PDE4D: variants seen among roughly 807,000 people sequenced by gnomAD.
PDE4D encodes phosphodiesterase 4D.
A neutral mutation model predicts 87.4 loss-of-function variants in PDE4D; 24 were observed. The ratio of observed to expected loss-of-function variants is 0.27; its 90% CI spans 0.20 to 0.39. PDE4D has a LOEUF of 0.39. Among genes scored for constraint, PDE4D ranks in the 10% least tolerant of loss-of-function variants. The pLI, the probability that PDE4D is intolerant of heterozygous loss-of-function variation, is 1.00. For synonymous variants in PDE4D, 384 were observed against 383.2 expected, an observed-to-expected ratio of 1.00 and a Z score of -0.02; for missense variants, 714 against 1,041.0, an observed-to-expected ratio of 0.69 and a Z score of 4.32.
rs7736448 is a variant in PDE4D at position 59,585,446 on chromosome 5, A to G, written c.455+307722T>C. Reference sequence around the variant, plus strand: ...GAAAGATATACTTTCAAAATCAGACAAACTGCATTTCCAAAACAACCCATG... The same window carrying G: ...GAAAGATATACTTTCAAAATCAGACGAACTGCATTTCCAAAACAACCCATG... On this transcript the variant is annotated intron_variant, in intron 1 of 14. Transcript: ENST00000340635. Among the ~76,000 whole-genome samples the G allele has an allele frequency of 3.1e-3, 467 of 152,290 alleles. 1 individual carries two copies. Among genetic ancestry groups the G allele is most frequent in the African/African-American group, 0.011 (446 of 41,570 alleles).
intron 1 of PDE4D, among the ~76,000 whole-genome samples, chr5:59,410,952 T>A (rs6877826): frequency 0.068 from 10,295 of 152,196 alleles, 947 homozygotes; most frequent in African/African-American, 0.21. Context: ...TTGATAGACT[T>A]TCATTTACTC....
chr5:59,812,318 T>C (rs774824143), intron 1 of PDE4D, among the ~76,000 whole-genome samples: 4 of 152,178 alleles, frequency 2.6e-5, no homozygotes, highest in Non-Finnish European at 5.9e-5. Context: ...TGCAGGATGG[T>C]TGTAGCCCTG....
intron 1 of PDE4D, among the ~76,000 whole-genome samples, chr5:59,252,976 C>T (rs947462695): frequency 9.2e-5 from 14 of 152,148 alleles, no homozygotes; most frequent in East Asian, 3.9e-4. Flanking sequence ...CACACACAGT[C>T]GTAGCCCAGC....
At chr5:59,586,236 A>G in intron 1 of PDE4D, 1 of 929,568 alleles carries the variant, frequency 1.1e-6, no homozygotes, top group Non-Finnish European at 1.8e-6. Flanking sequence ...CTTGATACCA[A>G]TACTCTAGTT....
intron 1 of PDE4D, among the ~76,000 whole-genome samples, chr5:59,315,549 T>C (rs1278258864): frequency 6.6e-6 from 1 of 152,094 alleles, no homozygotes; most frequent in Non-Finnish European, 1.5e-5. Context: ...GACAGTCAAA[T>C]GACTGTCATT....
chr5:60,262,047 C>T (rs1331414990), intron 1 of PDE4D, among the ~76,000 whole-genome samples: 1 of 151,894 alleles, frequency 6.6e-6, no homozygotes, highest in African/African-American at 2.4e-5. Flanking sequence ...TCTACCTCAG[C>T]GTAAGAAAGA....
intron 1 of PDE4D, among the ~76,000 whole-genome samples, chr5:59,449,583 T>C (rs1798844231): frequency 6.6e-6 from 1 of 152,212 alleles, no homozygotes; most frequent in Non-Finnish European, 1.5e-5. Flanking sequence ...CTCATAGCAT[T>C]CATGGCTTCC....
chr5:59,413,230 G>T (rs914855194), intron 1 of PDE4D, among the ~76,000 whole-genome samples: 5 of 151,964 alleles, frequency 3.3e-5, no homozygotes, highest in African/African-American at 1.2e-4. Flanking sequence ...GGCCAAGGTG[G>T]GCGGATCACG....
chr5:60,152,752 G>T (rs911256870), intron 2 of PDE4D, among the ~76,000 whole-genome samples: 1 of 151,450 alleles, frequency 6.6e-6, no homozygotes, highest in Non-Finnish European at 1.5e-5. Flanking sequence ...AATCTCATTT[G>T]TTATTGGTCT....
intron 1 of PDE4D, among the ~76,000 whole-genome samples, chr5:59,469,492 G>A (rs1207249233): frequency 2.0e-5 from 3 of 152,148 alleles, no homozygotes; most frequent in Non-Finnish European, 4.4e-5. Flanking sequence ...GTATAGATAC[G>A]ATGTCTTTGA....
At chr5:59,746,911 T>G (rs1759692665) in intron 1 of PDE4D, among the ~76,000 whole-genome samples, 1 of 152,192 alleles carries the variant, frequency 6.6e-6, no homozygotes, top group South Asian at 2.1e-4. Flanking sequence ...AAAATGTCTT[T>G]GTAACTCACA....
chr5:59,243,006 G>A (rs1757986250), intron 1 of PDE4D, among the ~76,000 whole-genome samples: 1 of 152,192 alleles, frequency 6.6e-6, no homozygotes, highest in Non-Finnish European at 1.5e-5. Context: ...CTACATTTAA[G>A]AGACAGCAGG....
At chr5:59,540,677 AG>A (rs1451775648) in intron 1 of PDE4D, among the ~76,000 whole-genome samples, 1 of 152,162 alleles carries the variant, frequency 6.6e-6, no homozygotes, top group African/African-American at 2.4e-5. Context: ...ATAGCCACAA[AG>A]GAAGGGGAAG....
At position 60,068,572 on chromosome 5, in the gene PDE4D, C is replaced by T. The variant is rs192023275; in HGVS notation, c.43-79855G>A. Among the ~76,000 whole-genome samples the T allele has an allele frequency of 3.4e-4, 52 of 151,780 alleles. No homozygotes were observed. The East Asian group carries it at 8.5e-3, about 25-fold the overall frequency. Reference sequence around the variant, plus strand: ...AAGTGTCCTTTTCACTCTGTTGATTCATATCATTATTTTATTAATTATTAT... The same window carrying T: ...AAGTGTCCTTTTCACTCTGTTGATTTATATCATTATTTTATTAATTATTAT... On this transcript the variant is annotated intron_variant, in intron 2 of 16. Coordinates refer to the PDE4D transcript ENST00000502484.
intron 1 of PDE4D, among the ~76,000 whole-genome samples, chr5:60,330,614 A>G (rs564530987): frequency 6.6e-6 from 1 of 152,298 alleles, no homozygotes; most frequent in South Asian, 2.1e-4. Flanking sequence ...GCACCAACAG[A>G]GGGACCCTGC....
chr5:60,433,474 G>A (rs1038729904), intron 1 of PDE4D, among the ~76,000 whole-genome samples: 5 of 152,198 alleles, frequency 3.3e-5, no homozygotes, highest in African/African-American at 7.2e-5. Context: ...CTGCTAGTGG[G>A]AATGTAAATT....
chr5:60,300,291 G>T (rs111405289), intron 1 of PDE4D, among the ~76,000 whole-genome samples: 13,333 of 152,062 alleles, frequency 0.088, 1,920 homozygotes, highest in African/African-American at 0.31. Context: ...GTAGACTCTG[G>T]ATACTAGACT....
At chr5:59,324,927 G>C (rs564353393) in intron 1 of PDE4D, among the ~76,000 whole-genome samples, 1 of 152,218 alleles carries the variant, frequency 6.6e-6, no homozygotes, top group African/African-American at 2.4e-5. Flanking sequence ...ATCTTAGAAG[G>C]CTGCATGGCA....
chr5:59,276,162 C>T, intron 1 of PDE4D: 1 of 979,936 alleles, frequency 1.0e-6, no homozygotes, highest in Non-Finnish European at 1.2e-6. Flanking sequence ...CAGCGCCCAG[C>T]CTAGCCTCGT....
Sources: allele counts gnomAD v4.1 joint callset (sites outside exome capture counted in the v4.1 genomes callset), GRCh38; gene constraint gnomAD v4.1.1; transcripts MANE v1.5; gene names NCBI Gene and HGNC (gene_info 2026-07-23, HGNC 2026-07-21).